The following NELL2 variants were observed in gnomAD, a reference collection of about 807,000 sequenced individuals.
NELL2 encodes the protein protein kinase C-binding protein NELL2.
NELL2 carries 41 observed loss-of-function variants against 109.6 expected under a neutral mutation model. That is an observed-to-expected ratio of 0.37 (90% CI 0.29 to 0.49). The LOEUF is 0.49. Ranked by LOEUF, NELL2 falls within the 20% of genes least tolerant of loss-of-function variation. NELL2 has a pLI of 0.98. For synonymous variants in NELL2, 355 were observed against 344.7 expected (o/e 1.03, Z -0.33); for missense variants, 900 against 1,008.3 (o/e 0.89, Z 1.45).
At chr12:44,576,881 T>G (rs1592145107) in intron 15 of NELL2, among the ~76,000 whole-genome samples, 1 of 150,056 alleles carries the variant, frequency 6.7e-6, no homozygotes, top group East Asian at 2.0e-4. Flanking sequence ...GAACTCATCA[T>G]TTTTTATGGC....
intron 13 of NELL2, among the ~76,000 whole-genome samples, chr12:44,613,125 CAT>C (rs775583775): frequency 6.6e-6 from 1 of 152,024 alleles, no homozygotes; most frequent in Non-Finnish European, 1.5e-5. Context: ...CATTTTTAAA[CAT>C]TACAATAAAA....
At position 44,790,842 on chromosome 12, in the gene NELL2, C is replaced by T. The variant is rs542839172; in HGVS notation, c.336-10820G>A. On this transcript the variant is annotated intron_variant, in intron 3 of 19. Transcript: ENST00000429094. Reference sequence around the variant, plus strand: ...AAAAGGCATTTCATGCAAATGGACACAAAAAGCCAGCAAGGGTAGCTATTC... The same window carrying T: ...AAAAGGCATTTCATGCAAATGGACATAAAAAGCCAGCAAGGGTAGCTATTC... Among the ~76,000 whole-genome samples the T allele has an allele frequency of 2.2e-3, 337 of 151,232 alleles. 4 individuals are homozygous for T. Among genetic ancestry groups the T allele is most frequent in the Non-Finnish European group, 6.6e-4 (45 of 67,820 alleles).
At chr12:44,539,862 G>C (rs575052915) in intron 15 of NELL2, among the ~76,000 whole-genome samples, 1 of 152,082 alleles carries the variant, frequency 6.6e-6, no homozygotes, top group Non-Finnish European at 1.5e-5. Context: ...ATGAATAGAC[G>C]AATGAATAGT....
intron 3 of NELL2, among the ~76,000 whole-genome samples, chr12:44,782,178 C>CA (rs1941987166): frequency 1.3e-5 from 2 of 151,788 alleles, no homozygotes; most frequent in Non-Finnish European, 2.9e-5. Flanking sequence ...ATACATCACT[C>CA]AAACTGGTAA....
chr12:44,515,277 T>C (rs1208770386), intron 19 of NELL2, among the ~76,000 whole-genome samples: 3 of 151,850 alleles, frequency 2.0e-5, no homozygotes, highest in Non-Finnish European at 3.0e-5. Context: ...AGATTGGAAG[T>C]AGATGAACAA....
chr12:44,667,913 G>GGAAACT (rs2136344033), intron 12 of NELL2, among the ~76,000 whole-genome samples: 1 of 152,292 alleles, frequency 6.6e-6, no homozygotes, highest in East Asian at 1.9e-4. Flanking sequence ...GCCTAGCATA[G>GGAAACT]GAAACTGCCT....
chr12:44,544,923 G>C (rs919655415), intron 15 of NELL2, among the ~76,000 whole-genome samples: 2 of 151,976 alleles, frequency 1.3e-5, no homozygotes, highest in Admixed American at 6.6e-5. Context: ...AGACAAGAAA[G>C]AGGTAAGGGC....
intron 9 of NELL2, among the ~76,000 whole-genome samples, chr12:44,732,740 G>C (rs1417692296): frequency 6.6e-6 from 1 of 151,946 alleles, no homozygotes; most frequent in Non-Finnish European, 1.5e-5. Context: ...TACAGTAGAG[G>C]AAACACTCAA....
intron 3 of NELL2, among the ~76,000 whole-genome samples, chr12:44,796,099 T>C (rs1369684517): frequency 6.6e-6 from 1 of 152,136 alleles, no homozygotes; most frequent in East Asian, 1.9e-4. Flanking sequence ...AAGAGGATAA[T>C]AAGAGTTGTA....
chr12:44,861,104 C>T (rs1944828357), intron 2 of NELL2, among the ~76,000 whole-genome samples: 1 of 152,138 alleles, frequency 6.6e-6, no homozygotes, highest in African/African-American at 2.4e-5. Flanking sequence ...GAGATTGCAG[C>T]ACCTGGGTGT....
intron 16 of NELL2, among the ~76,000 whole-genome samples, chr12:44,524,296 G>T (rs564842401): frequency 2.0e-5 from 3 of 152,268 alleles, no homozygotes; most frequent in South Asian, 2.1e-4. Context: ...GTCCATAAGA[G>T]GAGATGGGAT....
At chr12:44,711,028 A>G (rs1366695151) in intron 11 of NELL2, among the ~76,000 whole-genome samples, 2 of 152,142 alleles carry the variant, frequency 1.3e-5, no homozygotes, top group Non-Finnish European at 2.9e-5. Context: ...ACCAGCACAC[A>G]GAGAGAAATT....
intron 13 of NELL2, among the ~76,000 whole-genome samples, chr12:44,617,637 A>G (rs944487498): frequency 1.6e-5 from 2 of 121,866 alleles, no homozygotes; most frequent in East Asian, 2.7e-4. Context: ...GCTTGCAGTG[A>G]GCCGAGATCC....
chr12:44,521,934 C>T lies in NELL2; in HGVS notation c.2175+66G>A, dbSNP rs1592062779. ...GCTAGGTATTGGCAGATGGGGAGGA[C>T]GAGGTTGCTTCTCTATTTAGATTCT... On this transcript the variant is annotated intron_variant, in intron 18 of 19. Coordinates refer to ENST00000429094, the MANE Select transcript of NELL2 (RefSeq NM_001145108.2). 27 of 1,528,424 alleles carry T rather than the reference C, an allele frequency of 1.8e-5. No homozygotes were observed. In the East Asian group the frequency reaches 2.0e-4, roughly 11 times the overall value. The allele number at this position is 1,528,424 out of a possible 1,614,324, so 94.7% of individuals were successfully genotyped here.
Position 44,876,017 on chromosome 12 carries a change from G to C in NELL2, c.-148C>G. ...TCAGTAGGATTAATACGCTTTGGTT[G>C]CCTAAGAAAGAAAAGGGAGGCCTCC... On this transcript the variant is annotated 5_prime_UTR_variant, in exon 1 of 20. Transcript: ENST00000429094. The C allele has an allele frequency of 6.6e-7, 1 of 1,508,724 alleles. No homozygotes were observed. Among genetic ancestry groups the C allele is most frequent in the Non-Finnish European group, 8.8e-7 (1 of 1,135,416 alleles). 93.5% of individuals were successfully genotyped at this position (1,508,724 alleles called of 1,614,324 possible).
At chr12:44,855,998 A>C (rs995589350) in intron 2 of NELL2, among the ~76,000 whole-genome samples, 1 of 152,200 alleles carries the variant, frequency 6.6e-6, no homozygotes, top group Non-Finnish European at 1.5e-5. Context: ...TACAAAACAT[A>C]AAGTCACGAA....
At chr12:44,885,900 T>G (rs945101291) in intron 1 of NELL2, among the ~76,000 whole-genome samples, 1 of 151,730 alleles carries the variant, frequency 6.6e-6, no homozygotes, top group African/African-American at 2.4e-5. Flanking sequence ...GCTATAGAAA[T>G]CAAGACAGTA....
At chr12:44,837,289 T>G (rs376684774) in intron 2 of NELL2, among the ~76,000 whole-genome samples, 1 of 152,308 alleles carries the variant, frequency 6.6e-6, no homozygotes, top group East Asian at 1.9e-4. Context: ...TATTCTTTGT[T>G]GTGGGGAGCT....
In NELL2 at chr12:44,627,429, C is replaced by CAAAAAAA. The variant is rs200944318; in HGVS notation, c.1445-16466_1445-16460dup. ...TACTTCACAGAAAAAGCAGATGTAC[C>CAAAAAAA]AAAAAAAAAAAAAATCAGAACTGAA... On this transcript the variant is annotated intron_variant, in intron 13 of 19. Transcript: ENST00000429094. Among the ~76,000 whole-genome samples the CAAAAAAA allele has an allele frequency of 1.1e-3, 149 of 139,730 alleles. 2 individuals carry two copies. The East Asian group carries it at 0.024, about 23-fold the overall frequency. 91.7% of individuals were successfully genotyped at this position (139,730 alleles called of 152,430 possible).
Sources: allele counts gnomAD v4.1 joint callset (sites outside exome capture counted in the v4.1 genomes callset), GRCh38; gene constraint gnomAD v4.1.1; transcripts MANE v1.5; gene names NCBI Gene and HGNC (gene_info 2026-07-23, HGNC 2026-07-21).